Variants in HIVEP3 observed in about 807,000 individuals in gnomAD.
The protein encoded by HIVEP3 is HIVEP zinc finger 3.
In HIVEP3, 49 loss-of-function variants were observed where a neutral mutation model predicts 152.8. The ratio of observed to expected loss-of-function variants is 0.32; its 90% CI spans 0.26 to 0.41. The LOEUF (loss-of-function observed/expected upper bound fraction) is 0.41, where lower values mean the gene tolerates loss of function less well. Ranked by LOEUF, HIVEP3 falls within the 10% of genes least tolerant of loss-of-function variation. The probability of loss-of-function intolerance (pLI) is 1.00; values close to 1 mark genes in which losing one functional copy is unlikely to be tolerated. For missense variants in HIVEP3, 2,790 were observed against 3,103.3 expected (o/e 0.90, Z 2.40); for synonymous variants, 1,269 against 1,289.0 (o/e 0.98, Z 0.33).
At chr1:41,593,590 T>C (rs761379235) in intron 3 of HIVEP3, among the ~76,000 whole-genome samples, 2 of 152,228 alleles carry the variant, frequency 1.3e-5, no homozygotes, top group African/African-American at 4.8e-5. Context: ...GACTGGCAAA[T>C]AGCTCTTCAA....
intron 2 of HIVEP3, among the ~76,000 whole-genome samples, chr1:41,697,064 C>T (rs1468546621): frequency 1.3e-5 from 2 of 152,182 alleles, no homozygotes; most frequent in African/African-American, 2.4e-5. Flanking sequence ...ACAGAAGAGA[C>T]GGAGGCCCCA....
At position 41,569,042 on chromosome 1, in the gene HIVEP3, T is replaced by C. The variant is rs147291804; in HGVS notation, c.5207+6502A>G. The stretch of plus-strand genomic sequence containing the variant: ...CCCGCTCTTGCTCCTGCTCCAGCCA[T>C]GTAAGAAGCACCTGCTTCCCCTTCA... On this transcript the variant is annotated intron_variant, in intron 5 of 8. Transcript: ENST00000372583. Among the ~76,000 whole-genome samples the C allele has an allele frequency of 4.2e-4, 64 of 152,294 alleles. No individual in the cohort carries two copies. In the East Asian group the frequency reaches 6.6e-3, roughly 16 times the overall value.
At chr1:41,766,695 G>A (rs1648030654) in intron 1 of HIVEP3, among the ~76,000 whole-genome samples, 1 of 152,212 alleles carries the variant, frequency 6.6e-6, no homozygotes, top group African/African-American at 2.4e-5. Flanking sequence ...CTCCCTCTCT[G>A]CTGTGTTGGC....
intron 1 of HIVEP3, among the ~76,000 whole-genome samples, chr1:42,026,487 A>G (rs1645583182): frequency 6.6e-6 from 1 of 152,202 alleles, no homozygotes; most frequent in Non-Finnish European, 1.5e-5. Flanking sequence ...TTTTCAGTGG[A>G]ATTTTGGTCC....
Position 41,814,075 on chromosome 1 carries a change from G to T in HIVEP3, c.-801+104338C>A, listed in dbSNP as rs559025868. 1.1e-4 allele frequency among the ~76,000 whole-genome samples: 17 copies of T among 152,298 alleles called. No individual in the cohort carries two copies. The East Asian group carries it at 3.3e-3, about 29-fold the overall frequency. On this transcript the variant is annotated intron_variant, in intron 1 of 8. Transcript: ENST00000372583. ...TCATCTCCTGATGGTCTTGACCTTGGGCACTCTTATCTTGCTGTCCAAGGG... is the reference window on the plus strand; with the variant it reads ...TCATCTCCTGATGGTCTTGACCTTGTGCACTCTTATCTTGCTGTCCAAGGG...
chr1:41,758,176 C>T (rs140211217), intron 1 of HIVEP3, among the ~76,000 whole-genome samples: 2,223 of 152,162 alleles, frequency 0.015, 24 homozygotes, highest in Non-Finnish European at 0.019. Context: ...CTGCCTTCCC[C>T]GGACAGGTTT....
At chr1:41,682,895 G>A (rs547134116) in intron 2 of HIVEP3, among the ~76,000 whole-genome samples, 5 of 152,298 alleles carry the variant, frequency 3.3e-5, no homozygotes, top group South Asian at 2.1e-4. Flanking sequence ...GCTGCAAAGC[G>A]GGGTGAAAAT....
intron 1 of HIVEP3, among the ~76,000 whole-genome samples, chr1:42,015,244 TA>T (rs1645515249): frequency 6.6e-6 from 1 of 152,230 alleles, no homozygotes; most frequent in African/African-American, 2.4e-5. Context: ...ACCTGTTCTC[TA>T]ATCATCTTAA....
At chr1:42,030,987 G>T (rs951864254) in intron 1 of HIVEP3, among the ~76,000 whole-genome samples, 1 of 152,160 alleles carries the variant, frequency 6.6e-6, no homozygotes, top group African/African-American at 2.4e-5. Context: ...ATTTACTCAT[G>T]TCTAGATGCA....
At chr1:41,689,750 G>A (rs1042113947) in intron 2 of HIVEP3, among the ~76,000 whole-genome samples, 2 of 152,240 alleles carry the variant, frequency 1.3e-5, no homozygotes, top group African/African-American at 4.8e-5. Flanking sequence ...GATGTCCCTG[G>A]CCCAGCTAAT....
intron 1 of HIVEP3, among the ~76,000 whole-genome samples, chr1:41,907,916 G>A (rs1294314987): frequency 1.3e-5 from 2 of 152,224 alleles, no homozygotes; most frequent in Non-Finnish European, 2.9e-5. Context: ...AATTGAGAGA[G>A]ATAGTATTGG....
chr1:41,966,021 A>G (rs150115243), intron 1 of HIVEP3, among the ~76,000 whole-genome samples: 230 of 152,366 alleles, frequency 1.5e-3, no homozygotes, highest in African/African-American at 4.9e-3. Context: ...TCAGACTAAC[A>G]GTGGACCTCT....
chr1:41,912,629 T>C (rs1200354725), intron 1 of HIVEP3, among the ~76,000 whole-genome samples: 3 of 152,218 alleles, frequency 2.0e-5, no homozygotes, highest in African/African-American at 7.2e-5. Flanking sequence ...ATCATAATCA[T>C]AGTGGGTTTT....
chr1:41,912,551 T>C (rs1644812969), intron 1 of HIVEP3, among the ~76,000 whole-genome samples: 1 of 152,202 alleles, frequency 6.6e-6, no homozygotes, highest in South Asian at 2.1e-4. Flanking sequence ...TGTGAGAATC[T>C]TTCCAGTGAG....
intron 5 of HIVEP3, among the ~76,000 whole-genome samples, chr1:41,531,300 A>G (rs865783887): frequency 1.1e-3 from 131 of 117,304 alleles, no homozygotes; most frequent in African/African-American, 3.6e-3. Context: ...GGAGGACAGG[A>G]GAGATGGAGG....
At chr1:41,551,337 C>T (rs1643891750) in intron 5 of HIVEP3, among the ~76,000 whole-genome samples, 1 of 150,664 alleles carries the variant, frequency 6.6e-6, no homozygotes, top group Non-Finnish European at 1.5e-5. Context: ...CTAAAATTCT[C>T]TTTTTTTTTG....
At chr1:41,842,106 C>T (rs606923) in intron 1 of HIVEP3, among the ~76,000 whole-genome samples, 74,198 of 151,708 alleles carry the variant, frequency 0.49, 20,503 homozygotes, top group African/African-American at 0.76. Context: ...AAAAAATTCA[C>T]TGTTAATGAT....
intron 7 of HIVEP3, among the ~76,000 whole-genome samples, chr1:41,515,866 C>T (rs544434515): frequency 6.6e-6 from 1 of 152,280 alleles, no homozygotes; most frequent in African/African-American, 2.4e-5. Context: ...CTCCTGTCAT[C>T]CCATGATACC....
At chr1:41,604,656 T>G (rs1424863651) in intron 3 of HIVEP3, among the ~76,000 whole-genome samples, 1 of 152,236 alleles carries the variant, frequency 6.6e-6, no homozygotes, top group Non-Finnish European at 1.5e-5. Context: ...CACCCTGATC[T>G]TAGACTTCCC....
Sources: allele counts gnomAD v4.1 joint callset (sites outside exome capture counted in the v4.1 genomes callset), GRCh38; gene constraint gnomAD v4.1.1; transcripts MANE v1.5; gene names NCBI Gene and HGNC (gene_info 2026-07-23, HGNC 2026-07-21).